Variants in LRPPRC observed in about 807,000 individuals in gnomAD.
LRPPRC encodes leucine rich pentatricopeptide repeat containing.
Under a neutral mutation model 180.3 loss-of-function variants are expected in LRPPRC, and 120 were observed. The ratio of observed to expected loss-of-function variants is 0.67; its 90% confidence interval spans 0.57 to 0.77. LRPPRC has a LOEUF of 0.77. Among genes scored for constraint, LRPPRC ranks in the 30% least tolerant of loss-of-function variants. The pLI is 0.00. For synonymous variants in LRPPRC, 723 were observed against 600.0 expected, an observed-to-expected ratio of 1.21 and a Z score of -3.00; for missense variants, 2,012 against 1,657.2, an observed-to-expected ratio of 1.21 and a Z score of -3.72.
intron 11 of LRPPRC, among the ~76,000 whole-genome samples, chr2:43,966,093 A>G (rs1235961585): frequency 3.3e-5 from 5 of 152,222 alleles, no homozygotes; most frequent in African/African-American, 1.2e-4. Context: ...TGTGGCATAT[A>G]TACACATATA....
intron 25 of LRPPRC, among the ~76,000 whole-genome samples, chr2:43,933,203 T>C (rs973868639): frequency 1.3e-5 from 2 of 152,204 alleles, no homozygotes; most frequent in South Asian, 2.1e-4. Flanking sequence ...AAGTTCTGAA[T>C]TGATTTCACA....
intron 1 of LRPPRC, among the ~76,000 whole-genome samples, chr2:43,994,557 C>G (rs146997621): frequency 9.2e-5 from 14 of 151,706 alleles, no homozygotes; most frequent in Non-Finnish European, 1.5e-4. Context: ...TGGCATAATG[C>G]AGATAATTTG....
intron 23 of LRPPRC, 36 bp from the exon 24 acceptor site, chr2:43,934,914 A>G (rs773644980): frequency 6.3e-7 from 1 of 1,591,998 alleles, no homozygotes. Flanking sequence ...AATAAAATAA[A>G]TCGAATTCAG....
In LRPPRC at chr2:43,974,661, A is replaced by T. The variant is rs1673969511; in HGVS notation, c.962T>A (p.Val321Asp). The T allele has an allele frequency of 1.2e-6, 2 of 1,611,026 alleles. No individual in the cohort carries two copies. The highest frequency in any genetic ancestry group is 1.7e-6 in the Non-Finnish European group (2 of 1,177,376). ...TGTAACTTTTTCCAAAATTTCTGAGACATACTGAGGATACCCAGCTTTACT... is the reference window on the plus strand; with the variant it reads ...TGTAACTTTTTCCAAAATTTCTGAGTCATACTGAGGATACCCAGCTTTACT... ...SFSKAGYPQY[V>D]SEILEKVTCE... Residue 321 changes from valine (V) to aspartate (D), a missense_variant, in exon 8 of 38, where the codon GTC becomes GAC. Physicochemically the swap from Val to Asp is radical, Grantham distance 152 (BLOSUM62 -3). Coordinates refer to ENST00000260665, the MANE Select transcript of LRPPRC (RefSeq NM_133259.4).
At position 43,912,464 on chromosome 2, in the gene LRPPRC, A is replaced by G. The variant is rs2105013179; in HGVS notation, c.3243T>C (p.Asp1081=). The change falls in exon 30 of 38, where the codon GAT becomes GAC. Residue 1081 remains aspartate (D), a synonymous_variant. Coordinates refer to ENST00000260665, the MANE Select transcript of LRPPRC (RefSeq NM_133259.4). ...SNLIKLLMSE[D]YFTQAMEVKA... ...TCACTTCCATTGCTTGTGTAAAATA[A>G]TCTTCTGACATCAGTAATTTAATGA... is the stretch of plus-strand genomic sequence containing the variant. 6.2e-7 allele frequency: 1 copy of G among 1,605,974 alleles called. No individual in the cohort carries two copies. The highest frequency in any genetic ancestry group is 8.5e-7 in the Non-Finnish European group (1 of 1,172,728).
Position 43,977,151 on chromosome 2 carries a change from T to G in LRPPRC, c.591+4A>C. ...AAAATATATTCACAATAGCAACTAC[T>G]TACTCGATTTGGTTGAATGTTTGCT... On this transcript the variant is annotated splice_donor_region_variant and intron_variant, in intron 4 of 37. Coordinates refer to ENST00000260665, the MANE Select transcript of LRPPRC (RefSeq NM_133259.4). 6.2e-7 allele frequency: 1 copy of G among 1,611,862 alleles called. No homozygotes were observed.
At chr2:43,941,313 C>T (rs1294859925) in intron 23 of LRPPRC, among the ~76,000 whole-genome samples, 1 of 152,146 alleles carries the variant, frequency 6.6e-6, no homozygotes, top group Non-Finnish European at 1.5e-5. Flanking sequence ...TTCAGAATTA[C>T]AACACGAAAG....
At position 43,889,852 on chromosome 2, in the gene LRPPRC, G is replaced by A; in HGVS notation, c.4010C>T (p.Ala1337Val). The stretch of plus-strand genomic sequence containing the variant: ...AGTCAAATGTTCATACAGTGCTTTA[G>A]CAGATGTGACATCTTTCTCTGAGAC... ...SYVSEKDVTS[A>V]KALYEHLTAK... The change falls in exon 37 of 38, where the codon GCT (alanine) becomes GTT (valine). Residue 1337 changes from alanine to valine, a missense_variant. Physicochemically the swap from Ala to Val is moderately conservative, Grantham distance 64. Transcript: ENST00000260665. 33 of 1,608,888 alleles carry A rather than the reference G, an allele frequency of 2.1e-5. No individual in the cohort carries two copies. Among genetic ancestry groups the A allele is most frequent in the Non-Finnish European group, 2.8e-5 (33 of 1,175,202 alleles).
At chr2:43,994,267 G>A (rs1343226297) in intron 1 of LRPPRC, among the ~76,000 whole-genome samples, 4 of 152,174 alleles carry the variant, frequency 2.6e-5, no homozygotes, top group Non-Finnish European at 4.4e-5. Context: ...CAAATTACAA[G>A]TACGCTCCAT....
Position 43,946,255 on chromosome 2 carries a change from C to A in LRPPRC, c.2080-12G>T. On this transcript the variant is annotated splice_polypyrimidine_tract_variant and intron_variant, in intron 20 of 37. Coordinates refer to ENST00000260665, the MANE Select transcript of LRPPRC (RefSeq NM_133259.4). ...GCTTTTTGCATATTCTAAAATACAG[C>A]ATAGATGTGAAAAAGAAGAAATCAG... 1 of 1,605,426 alleles carries A rather than the reference C, an allele frequency of 6.2e-7. No homozygotes were observed. Among genetic ancestry groups the A allele is most frequent in the Non-Finnish European group, 8.5e-7 (1 of 1,172,676 alleles).
chr2:43,945,846 C>G (rs1412243019), intron 21 of LRPPRC, among the ~76,000 whole-genome samples: 1 of 152,008 alleles, frequency 6.6e-6, no homozygotes, highest in Non-Finnish European at 1.5e-5. Flanking sequence ...CCACCATCAC[C>G]ACTGTTGTGA....
rs374508283 is a variant in LRPPRC, at chr2:43,973,571, G to C, written c.1369+36C>G. 3 of 1,336,266 alleles carry C rather than the reference G, an allele frequency of 2.2e-6. No individual in the cohort carries two copies. The East Asian group carries it at 6.9e-5, about 31-fold the overall frequency. 82.8% of individuals were successfully genotyped at this position (1,336,266 alleles called of 1,614,324 possible). A position where few individuals can be genotyped will look rare whatever the true frequency, so the allele number is the denominator to read the frequency against. On this transcript the variant is annotated intron_variant, in intron 11 of 37. Transcript: ENST00000260665. Reference sequence around the variant, plus strand: ...CGTGCAAACTGTCATACTGGCTCTGGGAACCATTACAAATCGGTAAAAGGC... The same window carrying C: ...CGTGCAAACTGTCATACTGGCTCTGCGAACCATTACAAATCGGTAAAAGGC...
At chr2:43,957,309 C>T in intron 14 of LRPPRC, 76 bp downstream of exon 14, 1 of 943,892 alleles carries the variant, frequency 1.1e-6, no homozygotes, top group South Asian at 1.3e-5. Flanking sequence ...TTGTATTTTT[C>T]CTCATGCAAT....
chr2:43,912,520 T>G lies in LRPPRC; in HGVS notation c.3187A>C (p.Ile1063Leu), dbSNP rs373637783. The change falls in exon 30 of 38, where the codon ATT (isoleucine) becomes CTT (leucine). Residue 1063 changes from isoleucine (I) to leucine (L), a missense_variant. Coordinates refer to ENST00000260665, the MANE Select transcript of LRPPRC (RefSeq NM_133259.4). ...DIFLNAKEQN[I>L]VFNAETYSNL... ...CTGTAGGTTTCAGCATTAAACACAATGTTTTGCTCTTTTGCATTCAGGAAA... is the reference window on the plus strand; with the variant it reads ...CTGTAGGTTTCAGCATTAAACACAAGGTTTTGCTCTTTTGCATTCAGGAAA... 1 of 1,606,526 alleles carries G rather than the reference T, an allele frequency of 6.2e-7. No individual in the cohort carries two copies. The highest frequency in any genetic ancestry group is 1.3e-5 in the African/African-American group (1 of 74,778).
At chr2:43,928,575 TTTAAAGAA>T (rs1671972366) in intron 25 of LRPPRC, among the ~76,000 whole-genome samples, 1 of 151,992 alleles carries the variant, frequency 6.6e-6, no homozygotes, top group African/African-American at 2.4e-5. Context: ...GCACAAGGGC[TTTAAAGAA>T]GGGACAGACA....
At chr2:43,911,188 G>T (rs976773527) in intron 30 of LRPPRC, among the ~76,000 whole-genome samples, 4 of 151,204 alleles carry the variant, frequency 2.6e-5, no homozygotes, top group Non-Finnish European at 5.9e-5. Flanking sequence ...ATTAGGAATT[G>T]AGAAAACACA....
chr2:43,915,799 T>C (rs1671446177), intron 29 of LRPPRC, among the ~76,000 whole-genome samples: 2 of 152,226 alleles, frequency 1.3e-5, no homozygotes, highest in African/African-American at 4.8e-5. Flanking sequence ...TTTCTTTTTT[T>C]GAGATAGGGT....
intron 5 of LRPPRC, 37 bp downstream of exon 5, chr2:43,976,957 A>G (rs759253544): frequency 2.6e-6 from 4 of 1,552,276 alleles, no homozygotes; most frequent in East Asian, 2.2e-5. Flanking sequence ...AAAATGTACA[A>G]ATTTGTTCGC....
intron 35 of LRPPRC, among the ~76,000 whole-genome samples, chr2:43,895,037 A>G (rs1670631285): frequency 6.6e-6 from 1 of 152,232 alleles, no homozygotes; most frequent in Non-Finnish European, 1.5e-5. Flanking sequence ...TACACACTTG[A>G]CATACAAAAA....
Sources: allele counts gnomAD v4.1 joint callset (sites outside exome capture counted in the v4.1 genomes callset), GRCh38; gene constraint gnomAD v4.1.1; transcripts MANE v1.5; gene names NCBI Gene and HGNC (gene_info 2026-07-23, HGNC 2026-07-21).